Variants in DUSP8 observed in about 807,000 individuals in gnomAD.
The protein encoded by DUSP8 is dual specificity protein phosphatase 8.
A neutral mutation model predicts 38.7 loss-of-function variants in DUSP8; 15 were observed. The observed-to-expected ratio is 0.39, with a 90% CI of 0.26 to 0.60. The LOEUF (loss-of-function observed/expected upper bound fraction) is 0.60. Ranked by LOEUF, DUSP8 falls within the 20% of genes least tolerant of loss-of-function variation. The pLI, the probability that DUSP8 is intolerant of heterozygous loss-of-function variation, is 0.56. For synonymous variants in DUSP8, 458 were observed against 433.9 expected (o/e 1.06, Z -0.69); for missense variants, 768 against 915.0 (o/e 0.84, Z 2.07).
At chr11:1,567,598 G>C (rs1188365985) in intron 1 of DUSP8, among the ~76,000 whole-genome samples, 1 of 152,260 alleles carries the variant, frequency 6.6e-6, no homozygotes, top group East Asian at 1.9e-4. Flanking sequence ...CCTCGACTGG[G>C]CCCAGGCTTC....
In DUSP8 at chr11:1,557,488, A is replaced by G. The variant is rs1456442456; in HGVS notation, c.908T>C (p.Leu303Pro). 2 of 1,575,932 alleles carry G rather than the reference A, an allele frequency of 1.3e-6. No individual in the cohort carries two copies. Among genetic ancestry groups the G allele is most frequent in the Non-Finnish European group, 1.7e-6 (2 of 1,170,992 alleles). The change falls in exon 7 of 7, where the codon CTG becomes CCG. Residue 303 changes from leucine (L) to proline (P), a missense_variant. Physicochemically the swap from Leu to Pro is moderately conservative, Grantham distance 98 (BLOSUM62 -3). Transcript: ENST00000397374. The surrounding 1 kb of genome is among the most constrained non-coding windows in gnomAD (Gnocchi z 9.9). Reference protein sequence around the residue: ...LLEYERSLKLLAALQGDPGTP... With the variant: ...LLEYERSLKLPAALQGDPGTP... ...GCCCGGGTCGCCCTGCAGGGCGGCCAGCAGCTTCAGGCTGCGCTCGTACTC... is the reference window on the plus strand; with the variant it reads ...GCCCGGGTCGCCCTGCAGGGCGGCCGGCAGCTTCAGGCTGCGCTCGTACTC...
rs1410293247 is a variant in DUSP8, at chr11:1,562,614, C to T, written c.370+1237G>A. 3.9e-5 allele frequency among the ~76,000 whole-genome samples: 6 copies of T among 152,332 alleles called. No homozygotes were observed. In the East Asian group the frequency reaches 1.2e-3, roughly 29 times the overall value. On this transcript the variant is annotated intron_variant, in intron 3 of 6. Coordinates refer to ENST00000397374, the MANE Select transcript of DUSP8 (RefSeq NM_004420.3). The stretch of plus-strand genomic sequence containing the variant: ...ATATACACGTGCACACACGTACATG[C>T]ACATATGCGCACACACAGGCATGCA...
At position 1,557,641 on chromosome 11, in the gene DUSP8, G is replaced by C; in HGVS notation, c.822-67C>G. The C allele has an allele frequency of 6.6e-7, 1 of 1,517,568 alleles. No individual in the cohort carries two copies. Among genetic ancestry groups the C allele is most frequent in the Non-Finnish European group, 8.8e-7 (1 of 1,134,824 alleles). 94.0% of individuals were successfully genotyped at this position (1,517,568 alleles called of 1,614,324 possible). On this transcript the variant is annotated intron_variant, in intron 6 of 6. Coordinates refer to ENST00000397374, the MANE Select transcript of DUSP8 (RefSeq NM_004420.3). The surrounding 1 kb of genome is among the most constrained non-coding windows in gnomAD (Gnocchi z 9.9). ...AGGCTGCCCACCTGACGCACCCGCTGGGCACCCACGAGCTCATGTGCGCCA... is the reference window on the plus strand; with the variant it reads ...AGGCTGCCCACCTGACGCACCCGCTCGGCACCCACGAGCTCATGTGCGCCA...
chr11:1,566,891 C>T (rs1474425582), intron 1 of DUSP8, among the ~76,000 whole-genome samples: 2 of 152,034 alleles, frequency 1.3e-5, no homozygotes, highest in Non-Finnish European at 2.9e-5. Flanking sequence ...GGAAGCCCCT[C>T]CTGCAGGCTT....
At position 1,556,132 on chromosome 11, in the gene DUSP8, G is replaced by GT. The variant is rs1012402340; in HGVS notation, c.*385dup. 2.8e-3 allele frequency: 464 copies of GT among 162,930 alleles called. 1 individual carries two copies. Among genetic ancestry groups the GT allele is most frequent in the African/African-American group, 4.6e-3 (191 of 41,828 alleles). 10.1% of individuals were successfully genotyped at this position (162,930 alleles called of 1,614,324 possible). A position where few individuals can be genotyped will look rare whatever the true frequency, so the allele number is the denominator to read the frequency against. ...CTGCGGCTCAGTTTGTGGCAAAGAA[G>GT]TTTTTTTTTCCTTTTTTTCACCTTT... On this transcript the variant is annotated 3_prime_UTR_variant, in exon 7 of 7. Coordinates refer to ENST00000397374, the MANE Select transcript of DUSP8 (RefSeq NM_004420.3). This position sits in a 1 kb window ranked among gnomAD's most constrained non-coding sequence, Gnocchi z 5.2.
intron 1 of DUSP8, among the ~76,000 whole-genome samples, chr11:1,570,126 G>A (rs1425509367): frequency 1.3e-5 from 2 of 152,156 alleles, no homozygotes; most frequent in South Asian, 2.1e-4. Context: ...CCGATCCCAG[G>A]AACGGGGTCC....
At chr11:1,567,587 G>T (rs1052025745) in intron 1 of DUSP8, among the ~76,000 whole-genome samples, 2 of 152,192 alleles carry the variant, frequency 1.3e-5, no homozygotes, top group Admixed American at 6.5e-5. Flanking sequence ...GGCCCCTCCC[G>T]CCTCGACTGG....
intron 2 of DUSP8, among the ~76,000 whole-genome samples, chr11:1,564,287 T>C (rs1298343245): frequency 6.6e-6 from 1 of 152,174 alleles, no homozygotes; most frequent in Non-Finnish European, 1.5e-5. Context: ...ACGGACGCTC[T>C]GGGCCAGGCC....
At position 1,558,946 on chromosome 11, in the gene DUSP8, G is replaced by C; in HGVS notation, c.480C>G (p.Gly160=). 4.3e-6 allele frequency: 7 copies of C among 1,613,034 alleles called. No individual in the cohort carries two copies. The highest frequency in any genetic ancestry group is 5.9e-6 in the Non-Finnish European group (7 of 1,179,786). The change falls in exon 4 of 7, where the codon GGC becomes GGG. Residue 160 remains glycine, a synonymous_variant. Coordinates refer to ENST00000397374, the MANE Select transcript of DUSP8 (RefSeq NM_004420.3). This position sits in a 1 kb window ranked among gnomAD's most constrained non-coding sequence, Gnocchi z 6.3. ...AGAGGTGAGGCAGGATGCGGGTCAG[G>C]CCCACGCTGGGCACAGGCAGGCAGG... ...SQPCLPVPSV[G]LTRILPHLYL... is the part of the protein sequence containing the mutation.
Position 1,558,163 on chromosome 11 carries a change from T to C in DUSP8, c.646A>G (p.Asn216Asp). The stretch of plus-strand genomic sequence containing the variant: ...CAGGGCAGCAGTTTTTCACAGTAGT[T>C]GTCGTTGATGGGGACCCGCATGAAG... ...SRFMRVPIND[N>D]YCEKLLPWLD... Residue 216 changes from asparagine (N) to aspartate (D), a missense_variant, in exon 5 of 7, where the codon AAC (asparagine) becomes GAC (aspartate). Physicochemically the swap from Asn to Asp is conservative, Grantham distance 23 (BLOSUM62 1). Around this residue, in one of 3 missense-constraint regions of DUSP8, gnomAD observed 252 missense variants for 410.4 expected, o/e 0.61. Coordinates refer to ENST00000397374, the MANE Select transcript of DUSP8 (RefSeq NM_004420.3). This position sits in a 1 kb window ranked among gnomAD's most constrained non-coding sequence, Gnocchi z 6.3. The C allele has an allele frequency of 6.2e-7, 1 of 1,611,750 alleles. No individual in the cohort carries two copies. Among genetic ancestry groups the C allele is most frequent in the Non-Finnish European group, 8.5e-7 (1 of 1,179,800 alleles).
rs965466906 is a variant in DUSP8, at chr11:1,554,608, C to T, written c.*1910G>A. 6.1e-6 allele frequency: 6 copies of T among 985,976 alleles called. No homozygotes were observed. In the African/African-American group the frequency reaches 8.7e-5, roughly 14 times the overall value. 61.1% of individuals were successfully genotyped at this position (985,976 alleles called of 1,614,324 possible). ...ACAGACTGAGACAGACAGCCCCCCTCAACGGCCTGCAGAAGGGACAAGGGG... is the reference window on the plus strand; with the variant it reads ...ACAGACTGAGACAGACAGCCCCCCTTAACGGCCTGCAGAAGGGACAAGGGG... On this transcript the variant is annotated 3_prime_UTR_variant, in exon 7 of 7. Transcript: ENST00000397374.
rs753776093 is a variant in DUSP8 at position 1,557,468 on chromosome 11, G to A, written c.928C>T (p.Pro310Ser). 17 of 1,564,626 alleles carry A rather than the reference G, an allele frequency of 1.1e-5. No homozygotes were observed. Among genetic ancestry groups the A allele is most frequent in the East Asian group, 2.3e-5 (1 of 43,672 alleles). ...LKLLAALQGD[P>S]GTPSGTPEPP... ...TCCGGCGTCCCTGAGGGGGTGCCCG[G>A]GTCGCCCTGCAGGGCGGCCAGCAGC... The change falls in exon 7 of 7, where the codon CCG becomes TCG. Residue 310 changes from proline (P) to serine (S), a missense_variant. Coordinates refer to ENST00000397374, the MANE Select transcript of DUSP8 (RefSeq NM_004420.3). The surrounding 1 kb of genome is among the most constrained non-coding windows in gnomAD (Gnocchi z 9.9).
chr11:1,569,213 C>T (rs1291718056), intron 1 of DUSP8, among the ~76,000 whole-genome samples: 4 of 152,130 alleles, frequency 2.6e-5, no homozygotes, highest in Admixed American at 6.5e-5. Context: ...CAGCCCCATA[C>T]ACCCTTTTCA....
At position 1,556,816 on chromosome 11, in the gene DUSP8, C is replaced by A; in HGVS notation, c.1580G>T (p.Ser527Ile). The A allele has an allele frequency of 1.7e-6, 2 of 1,165,820 alleles. No homozygotes were observed. Among genetic ancestry groups the A allele is most frequent in the East Asian group, 3.9e-5 (1 of 25,380 alleles). 72.2% of individuals were successfully genotyped at this position (1,165,820 alleles called of 1,614,324 possible). Residue 527 changes from serine (S) to isoleucine (I), a missense_variant, in exon 7 of 7, where the codon AGC becomes ATC. Physicochemically the swap from Ser to Ile is moderately radical, Grantham distance 142. This residue lies in a region of DUSP8 where 474 missense variants were observed against 430.8 expected (regional missense o/e 1.10). Coordinates refer to ENST00000397374, the MANE Select transcript of DUSP8 (RefSeq NM_004420.3). This position sits in a 1 kb window ranked among gnomAD's most constrained non-coding sequence, Gnocchi z 5.2. ...GCCCGCCCCCTGTGCGCCCTCGGGG[C>A]TGAAGCACCAGGGCCCGTCGGGCGA... The part of the protein sequence containing the change: ...TPSPDGPWCF[S>I]PEGAQGAGGV...
chr11:1,571,086 C>G (rs948525486), intron 1 of DUSP8, among the ~76,000 whole-genome samples: 1 of 152,172 alleles, frequency 6.6e-6, no homozygotes, highest in African/African-American at 2.4e-5. Flanking sequence ...CACCCCGCAG[C>G]AGGGAGACGG....
intron 2 of DUSP8, among the ~76,000 whole-genome samples, chr11:1,564,259 T>G (rs944174752): frequency 1.3e-5 from 2 of 152,134 alleles, no homozygotes; most frequent in Non-Finnish European, 2.9e-5. Flanking sequence ...CCCCATGCCA[T>G]GCACATGGGT....
At chr11:1,566,082 G>C (rs572128725) in intron 1 of DUSP8, 148 bp from the exon 2 acceptor site, 2 of 529,346 alleles carry the variant, frequency 3.8e-6, no homozygotes, top group Non-Finnish European at 6.8e-6. Context: ...GAGAGACCCC[G>C]TCCAGGTCAC....
In DUSP8 at chr11:1,565,584, T is replaced by G; in HGVS notation, c.231+12A>C. The stretch of plus-strand genomic sequence containing the variant: ...GACGTGATGCATGCCTGGTGGGCAG[T>G]GGGCTGGGTACCTGGCTGCGTGCAG... On this transcript the variant is annotated intron_variant, in intron 2 of 6. Coordinates refer to ENST00000397374, the MANE Select transcript of DUSP8 (RefSeq NM_004420.3). 2.5e-6 allele frequency: 4 copies of G among 1,590,754 alleles called. No individual in the cohort carries two copies. The highest frequency in any genetic ancestry group is 3.4e-6 in the Non-Finnish European group (4 of 1,165,164).
rs1848623690 is a variant in DUSP8, at chr11:1,556,398, C to G, written c.*120G>C. 8.3e-7 allele frequency: 1 copy of G among 1,202,570 alleles called. No individual in the cohort carries two copies. Among genetic ancestry groups the G allele is most frequent in the South Asian group, 4.3e-5 (1 of 22,996 alleles). The allele number at this position is 1,202,570 out of a possible 1,614,324, so 74.5% of individuals were successfully genotyped here. ...TGAACAGCTTAAATAAATAAAAAATCGAAATATTTACTTCTCGATAAAAAT... is the reference window on the plus strand; with the variant it reads ...TGAACAGCTTAAATAAATAAAAAATGGAAATATTTACTTCTCGATAAAAAT... On this transcript the variant is annotated 3_prime_UTR_variant, in exon 7 of 7. Coordinates refer to ENST00000397374, the MANE Select transcript of DUSP8 (RefSeq NM_004420.3). The surrounding 1 kb of genome is among the most constrained non-coding windows in gnomAD (Gnocchi z 5.2).
Sources: allele counts gnomAD v4.1 joint callset (sites outside exome capture counted in the v4.1 genomes callset), GRCh38; gene constraint gnomAD v4.1.1; regional missense constraint gnomAD v4.1.1; non-coding constraint Gnocchi (gnomAD v3.1); transcripts MANE v1.5; gene names NCBI Gene and HGNC (gene_info 2026-07-23, HGNC 2026-07-21).